Variants in CRB1 observed in about 807,000 individuals in gnomAD.
The protein encoded by CRB1 is crumbs cell polarity complex component 1.
CRB1 carries 83 observed loss-of-function variants against 120.0 expected under a neutral mutation model. The ratio of observed to expected loss-of-function variants is 0.69; its 90% CI spans 0.58 to 0.83. The LOEUF (loss-of-function observed/expected upper bound fraction) is 0.83, where lower values mean the gene tolerates loss of function less well. Among genes scored for constraint, CRB1 ranks in the 40% least tolerant of loss-of-function variants. The probability of loss-of-function intolerance (pLI) is 0.00; values close to 1 mark genes in which losing one functional copy is unlikely to be tolerated. For missense variants in CRB1, 1,699 were observed against 1,687.6 expected (o/e 1.01, Z -0.12); for synonymous variants, 625 against 612.5 (o/e 1.02, Z -0.30).
At chr1:197,260,281 A>G in the CRB1 span, among the ~76,000 whole-genome samples, 3 of 152,146 alleles carry the variant, frequency 2.0e-5, no homozygotes, top group African/African-American at 7.2e-5. Context: ...TTTTTTATAT[A>G]CGGGTTTCAT....
chr1:197,305,497 G>T (rs1231461416), intron 1 of CRB1, among the ~76,000 whole-genome samples: 2 of 151,776 alleles, frequency 1.3e-5, no homozygotes, highest in East Asian at 1.9e-4. Flanking sequence ...TTTTCTAAAA[G>T]GATTTTTTGT....
the CRB1 span, among the ~76,000 whole-genome samples, chr1:197,258,963 C>T: frequency 2.0e-5 from 3 of 152,088 alleles, no homozygotes; most frequent in Non-Finnish European, 4.4e-5. Flanking sequence ...TCAATTATCC[C>T]GTCATTAACT....
chr1:197,381,787 G>A (rs992079830), intron 5 of CRB1, among the ~76,000 whole-genome samples: 15 of 152,120 alleles, frequency 9.9e-5, no homozygotes. Context: ...AAAAATTTTA[G>A]AAATTTACAC....
At chr1:197,216,013 A>G in the CRB1 span, among the ~76,000 whole-genome samples, 1,234 of 152,322 alleles carry the variant, frequency 8.1e-3, 12 homozygotes, top group Non-Finnish European at 0.013. Context: ...TTACTTAATC[A>G]TATCAACCAG....
chr1:197,226,771 A>G, the CRB1 span, among the ~76,000 whole-genome samples: 1 of 152,182 alleles, frequency 6.6e-6, no homozygotes, highest in African/African-American at 2.4e-5. Flanking sequence ...TTGGGAAGAA[A>G]AAGAAGTTTA....
chr1:197,299,719 G>T (rs1215676573), intron 1 of CRB1, among the ~76,000 whole-genome samples: 1 of 152,108 alleles, frequency 6.6e-6, no homozygotes, highest in African/African-American at 2.4e-5. Flanking sequence ...TGCATAAATT[G>T]TTAAAACCTA....
intron 5 of CRB1, among the ~76,000 whole-genome samples, chr1:197,366,606 A>T (rs1661089215): frequency 6.6e-6 from 1 of 152,218 alleles, no homozygotes; most frequent in Middle Eastern, 3.2e-3. Flanking sequence ...TCAGAATTAT[A>T]CTCAGGGAGT....
chr1:197,469,037 A>G (rs1225022568), intron 11 of CRB1, among the ~76,000 whole-genome samples: 1 of 152,044 alleles, frequency 6.6e-6, no homozygotes, highest in African/African-American at 2.4e-5. Context: ...TCATGAGGAA[A>G]TGGGACTCAT....
Position 197,398,159 on chromosome 1 carries a change from A to G in CRB1, c.1172-22841A>G, listed in dbSNP as rs542116554. On this transcript the variant is annotated intron_variant, in intron 5 of 11. Coordinates refer to ENST00000367400, the MANE Select transcript of CRB1 (RefSeq NM_201253.3). ...CTTATGACTTCTCACAACTTTTAGCATAATCAATAACTTCTCCTTTGAAAT... is the reference window on the plus strand; with the variant it reads ...CTTATGACTTCTCACAACTTTTAGCGTAATCAATAACTTCTCCTTTGAAAT... Among the ~76,000 whole-genome samples the G allele has an allele frequency of 4.6e-5, 7 of 152,288 alleles. No individual in the cohort carries two copies. The East Asian group carries it at 1.4e-3, about 29-fold the overall frequency.
intron 11 of CRB1, 150 bp downstream of exon 11, chr1:197,442,442 GAA>G: frequency 2.0e-6 from 3 of 1,537,838 alleles, no homozygotes; most frequent in Non-Finnish European, 2.6e-6. Flanking sequence ...ATTCCCAAAT[GAA>G]AAAAAAAGCC....
At chr1:197,275,432 G>A (rs538408843) in intron 1 of CRB1, among the ~76,000 whole-genome samples, 2 of 152,148 alleles carry the variant, frequency 1.3e-5, no homozygotes, top group East Asian at 1.9e-4. Flanking sequence ...TATTTGTGGA[G>A]TAAATAGTTG....
rs375931028 is a variant in CRB1, at chr1:197,421,162, G to A, written c.1334G>A (p.Cys445Tyr). ...GACTGTTCTGATATTCTCCTGGGCT[G>A]TACCCATCAGCAATGTCTAAATAAT... ...GRDCSDILLG[C>Y]THQQCLNNGT... The change falls in exon 6 of 12, where the codon TGT becomes TAT. Residue 445 changes from cysteine to tyrosine, a missense_variant. Physicochemically the swap from Cys to Tyr is radical, Grantham distance 194. Transcript: ENST00000367400. The A allele has an allele frequency of 2.5e-6, 4 of 1,614,080 alleles. No individual in the cohort carries two copies. In the African/African-American group the frequency reaches 5.3e-5, roughly 22 times the overall value.
intron 5 of CRB1, among the ~76,000 whole-genome samples, chr1:197,416,689 T>G (rs924279271): frequency 6.6e-6 from 1 of 152,078 alleles, no homozygotes; most frequent in Non-Finnish European, 1.5e-5. Context: ...AGGTTTATAC[T>G]TTTTTATTTT....
rs1558168940 is a variant in CRB1 at position 197,478,082 on chromosome 1, C to CA, written c.*210dup. On this transcript the variant is annotated 3_prime_UTR_variant, in exon 12 of 12. Transcript: ENST00000367400. ...TTTATTATATTATATCAGCCAATTG[C>CA]AAAAAAAGTCTGTGCCAGTAATTTC... 8.4e-6 allele frequency: 5 copies of CA among 596,444 alleles called. No homozygotes were observed. The highest frequency in any genetic ancestry group is 6.0e-5 in the South Asian group (3 of 50,168). The allele number at this position is 596,444 out of a possible 1,614,324, so 36.9% of individuals were successfully genotyped here. A position where few individuals can be genotyped will look rare whatever the true frequency, so the allele number is the denominator to read the frequency against.
the CRB1 span, among the ~76,000 whole-genome samples, chr1:197,220,118 G>A: frequency 6.6e-6 from 1 of 151,708 alleles, no homozygotes; most frequent in Non-Finnish European, 1.5e-5. Context: ...ATTCTCCTTT[G>A]TGGGTCTGAC....
At chr1:197,430,705 A>T (rs571468350) in intron 8 of CRB1, among the ~76,000 whole-genome samples, 1 of 152,094 alleles carries the variant, frequency 6.6e-6, no homozygotes, top group South Asian at 2.1e-4. Context: ...GTTCCTTGAT[A>T]TTTTGTTACA....
chr1:197,438,206 C>G (rs1665252417), intron 9 of CRB1: 1 of 327,210 alleles, frequency 3.1e-6, no homozygotes. Context: ...TTCCTATGGC[C>G]TTTATTGATT....
rs1011246291 is a variant in CRB1, at chr1:197,344,622, T to A, written c.848+146T>A. 1.5e-5 allele frequency: 11 copies of A among 750,078 alleles called. No individual in the cohort carries two copies. In the Admixed American group the frequency reaches 2.4e-4, roughly 16 times the overall value. 46.5% of individuals were successfully genotyped at this position (750,078 alleles called of 1,614,324 possible). A position where few individuals can be genotyped will look rare whatever the true frequency, so the allele number is the denominator to read the frequency against. On this transcript the variant is annotated intron_variant, in intron 3 of 11. Transcript: ENST00000367400. ...CTTTAACTGATGAAAACATTCAGAT[T>A]TCACTAAAAAGGGTATTCTTGGAGA...
chr1:197,330,800 C>A (rs1048011060), intron 2 of CRB1, among the ~76,000 whole-genome samples: 1 of 152,074 alleles, frequency 6.6e-6, no homozygotes, highest in African/African-American at 2.4e-5. Flanking sequence ...GCACCCCCCC[C>A]CAAATGTTAG....
Sources: gnomAD v4.1 joint callset for allele counts (sites outside exome capture counted in the v4.1 genomes callset) on GRCh38, gnomAD v4.1.1 for gene constraint, MANE v1.5 for transcripts, NCBI Gene and HGNC (gene_info 2026-07-23, HGNC 2026-07-21) for gene names.